Variants in SMUG1 observed in about 807,000 individuals in gnomAD.
SMUG1 encodes single-strand-selective monofunctional uracil-DNA glycosylase 1, also known as single-strand selective monofunctional uracil DNA glycosylase.
A neutral mutation model predicts 23.9 loss-of-function variants in SMUG1; 13 were observed. The ratio of observed to expected loss-of-function variants is 0.54; its 90% CI spans 0.35 to 0.86. The LOEUF (loss-of-function observed/expected upper bound fraction) is 0.86. Among genes scored for constraint, SMUG1 ranks in the 40% least tolerant of loss-of-function variants. SMUG1 has a pLI of 0.01. For missense variants in SMUG1, 313 were observed against 339.5 expected, an observed-to-expected ratio of 0.92 and a Z score of 0.61; for synonymous variants, 133 against 139.8, an observed-to-expected ratio of 0.95 and a Z score of 0.34.
Position 54,182,136 on chromosome 12 carries a change from C to A in SMUG1, c.773G>T (p.Arg258Ile), listed in dbSNP as rs762691127. Residue 258 changes from arginine to isoleucine, a missense_variant, in exon 4 of 4, where the codon AGA becomes ATA. Coordinates refer to ENST00000682136, the MANE Select transcript of SMUG1 (RefSeq NM_001243787.2). ...TGGCAGCAGCCCCAGCTCATTCAAT[C>A]TTTCCTTGGCCACTGCCTCCCAGCC... ...NKGWEAVAKE[R>I]LNELGLLPLL... 6.4e-7 allele frequency: 1 copy of A among 1,570,032 alleles called. No individual in the cohort carries two copies. Among genetic ancestry groups the A allele is most frequent in the Non-Finnish European group, 8.6e-7 (1 of 1,156,882 alleles).
chr12:54,159,684 T>C (rs1940179719), intron 4 of SMUG1, among the ~76,000 whole-genome samples: 1 of 152,140 alleles, frequency 6.6e-6, no homozygotes, highest in South Asian at 2.1e-4. Context: ...GGGCTGATGA[T>C]TCCATGAGGG....
intron 2 of SMUG1, chr12:54,172,243 T>A (rs1464290914): frequency 5.2e-6 from 2 of 386,958 alleles, no homozygotes; most frequent in Admixed American, 5.0e-5. Context: ...ACCTCTTAGA[T>A]CTCATCACTT....
chr12:54,182,117 C>G lies in SMUG1; in HGVS notation c.792G>C (p.Leu264=), dbSNP rs1359576841. 12 of 1,544,864 alleles carry G rather than the reference C, an allele frequency of 7.8e-6. No individual in the cohort carries two copies. Among genetic ancestry groups the G allele is most frequent in the Middle Eastern group, 1.8e-4 (1 of 5,492 alleles). The change falls in exon 4 of 4, where the codon CTG becomes CTC. Residue 264 remains leucine, a synonymous_variant. Coordinates refer to ENST00000682136, the MANE Select transcript of SMUG1 (RefSeq NM_001243787.2). ...GCACTCATTTCAACAGCAGTGGCAG[C>G]AGCCCCAGCTCATTCAATCTTTCCT... ...VAKERLNELG[L]LPLLLK is the part of the protein sequence containing the mutation.
downstream of SMUG1, among the ~76,000 whole-genome samples, chr12:54,176,248 G>A (rs1307061185): frequency 6.6e-6 from 1 of 150,636 alleles, no homozygotes; most frequent in African/African-American, 2.4e-5. Flanking sequence ...GGCTGGGCAT[G>A]GTGCCTCATG....
Position 54,182,090 on chromosome 12 carries a change from G to C in SMUG1, c.*6C>G, listed in dbSNP as rs1410089433. On this transcript the variant is annotated 3_prime_UTR_variant, in exon 4 of 4. Coordinates refer to ENST00000682136, the MANE Select transcript of SMUG1 (RefSeq NM_001243787.2). ...GAATGTGTCCCATGCAAGGCCCCAA[G>C]GGCACTCATTTCAACAGCAGTGGCA... 8 of 1,532,494 alleles carry C rather than the reference G, an allele frequency of 5.2e-6. No homozygotes were observed. The highest frequency in any genetic ancestry group is 3.8e-4 in the Middle Eastern group (2 of 5,290). 94.9% of individuals were successfully genotyped at this position (1,532,494 alleles called of 1,614,324 possible). A position where few individuals can be genotyped will look rare whatever the true frequency, so the allele number is the denominator to read the frequency against.
chr12:54,188,295 AAATAATAATAATAATAATAATAAT>A lies in SMUG1; in HGVS notation c.-103-417_-103-394del, dbSNP rs757369651. Among the ~76,000 whole-genome samples, 236 of 68,900 alleles carry A rather than the reference AAATAATAATAATAATAATAATAAT, an allele frequency of 3.4e-3. 2 individuals carry two copies. The highest frequency in any genetic ancestry group is 0.01 in the African/African-American group (230 of 22,480). 45.2% of individuals were successfully genotyped at this position (68,900 alleles called of 152,430 possible). On this transcript the variant is annotated intron_variant, in intron 1 of 3. Transcript: ENST00000682136. ...TAATAATAATAATAATAATAATAAT[AAATAATAATAATAATAATAATAAT>A]AATAATAATAATAATAATAATGCAT...
intron 4 of SMUG1, among the ~76,000 whole-genome samples, chr12:54,159,426 A>C (rs1213356271): frequency 2.6e-5 from 4 of 152,062 alleles, no homozygotes; most frequent in East Asian, 1.9e-4. Flanking sequence ...TGTCGGGGAC[A>C]ACCTGAGAAT....
At chr12:54,180,362 G>C (rs924327547), downstream of SMUG1, 1 of 152,214 alleles carries the variant, frequency 6.6e-6, no homozygotes, top group Non-Finnish European at 1.5e-5. Context: ...TCCTTCTCAG[G>C]AACTGAAGAC....
downstream of SMUG1, among the ~76,000 whole-genome samples, chr12:54,161,415 C>T (rs1286437062): frequency 1.3e-5 from 2 of 152,180 alleles, no homozygotes; most frequent in African/African-American, 2.4e-5. The surrounding 1 kb of genome is among the most constrained non-coding windows in gnomAD (Gnocchi z 4.2). Flanking sequence ...CAGCTGGGTC[C>T]CAGTGAACTT....
Position 54,181,485 on chromosome 12 carries a change from G to A in SMUG1, c.*611C>T, listed in dbSNP as rs1364756413. 7.1e-7 allele frequency: 1 copy of A among 1,404,640 alleles called. No individual in the cohort carries two copies. Among genetic ancestry groups the A allele is most frequent in the Non-Finnish European group, 9.7e-7 (1 of 1,027,616 alleles). The allele number at this position is 1,404,640 out of a possible 1,614,324, so 87.0% of individuals were successfully genotyped here. A position where few individuals can be genotyped will look rare whatever the true frequency, so the allele number is the denominator to read the frequency against. Reference sequence around the variant, plus strand: ...GATGAGGAGCCTGAGGCATAGAGAGGTTTATTAATTTGTCAATCAAAAAGT... The same window carrying A: ...GATGAGGAGCCTGAGGCATAGAGAGATTTATTAATTTGTCAATCAAAAAGT... On this transcript the variant is annotated 3_prime_UTR_variant, in exon 4 of 4. Transcript: ENST00000682136.
rs762234299 is a variant in SMUG1, at chr12:54,182,445, A to G, written c.464T>C (p.Phe155Ser). 4 of 1,614,216 alleles carry G rather than the reference A, an allele frequency of 2.5e-6. No homozygotes were observed. In the South Asian group the frequency reaches 4.4e-5, roughly 18 times the overall value. The change falls in exon 4 of 4, where the codon TTC (phenylalanine) becomes TCC (serine). Residue 155 changes from phenylalanine to serine, a missense_variant. Physicochemically the swap from Phe to Ser is radical, Grantham distance 155 (BLOSUM62 -2). Transcript: ENST00000682136. Reference protein sequence around the residue: ...FRNLCGQPEVFFHHCFVHNLC... With the variant: ...FRNLCGQPEVSFHHCFVHNLC... ...ATTGTGGACAAAACAGTGATGGAAG[A>G]AGACCTCAGGCTGTCCACAGAGGTT...
rs1318390699 is a variant in SMUG1 at position 54,182,232 on chromosome 12, G to C, written c.677C>G (p.Ala226Gly). ...CACCTGGACCTCTGGCATCAGGCCT[G>C]CCAGAGCCCGTCGTGCCCGCTGCTC... is the stretch of plus-strand genomic sequence containing the variant. ...LAEQRARRAL[A>G]GLMPEVQVEG... is the part of the protein sequence containing the mutation. Residue 226 changes from alanine (A) to glycine (G), a missense_variant, in exon 4 of 4, where the codon GCA becomes GGA. By Grantham distance (60) the Ala-to-Gly change is moderately conservative. Transcript: ENST00000682136. 1.2e-6 allele frequency: 2 copies of C among 1,612,006 alleles called. No individual in the cohort carries two copies. Among genetic ancestry groups the C allele is most frequent in the African/African-American group, 2.7e-5 (2 of 74,860 alleles).
chr12:54,182,790 C>A, intron 3 of SMUG1, 167 bp from the exon 4 acceptor site: 1 of 1,333,318 alleles, frequency 7.5e-7, no homozygotes, highest in Non-Finnish European at 9.8e-7. Context: ...TGGTTTGAGC[C>A]TGTCTGTCTT....
At chr12:54,178,344 C>G (rs1475600447), downstream of SMUG1, among the ~76,000 whole-genome samples, 1 of 152,138 alleles carries the variant, frequency 6.6e-6, no homozygotes, top group Admixed American at 6.5e-5. Context: ...CACTAGGACC[C>G]AGACCCAGCA....
rs781236617 is a variant in SMUG1, at chr12:54,170,986, ACTTT to A, written c.*52+1035_*52+1038del. Among the ~76,000 whole-genome samples, 251 of 146,510 alleles carry A rather than the reference ACTTT, an allele frequency of 1.7e-3. 1 individual carries two copies. Among genetic ancestry groups the A allele is most frequent in the Non-Finnish European group, 2.8e-3 (189 of 67,034 alleles). ...TAGACTCTGTCATTGGATGCCCTTCACTTTCTTTCTTTCTTTTTTTTTTTTTTGA... is the reference window on the plus strand; with the variant it reads ...TAGACTCTGTCATTGGATGCCCTTCACTTTCTTTCTTTTTTTTTTTTTTGA... On this transcript the variant is annotated intron_variant and NMD_transcript_variant, in intron 3 of 4. Transcript: ENST00000509864.
chr12:54,171,886 T>C (rs1438847531), intron 3 of SMUG1: 1 of 292,250 alleles, frequency 3.4e-6, no homozygotes, highest in Non-Finnish European at 7.2e-6. Context: ...CAAAAAATCT[T>C]GGTCTTATCC....
intron 2 of SMUG1, 181 bp from the exon 3 acceptor site, chr12:54,184,140 C>T (rs1030481795): frequency 2.1e-6 from 1 of 475,708 alleles, no homozygotes; most frequent in Non-Finnish European, 3.7e-6. Flanking sequence ...AATGAAGGGC[C>T]CTTTCCCTCC....
At chr12:54,171,612 G>A (rs1940620635) in intron 3 of SMUG1, among the ~76,000 whole-genome samples, 1 of 150,942 alleles carries the variant, frequency 6.6e-6, no homozygotes, top group African/African-American at 2.4e-5. Context: ...GCTTGAACCT[G>A]GGAGGCGGAG....
intron 2 of SMUG1, among the ~76,000 whole-genome samples, chr12:54,185,370 G>A (rs866504186): frequency 2.0e-5 from 3 of 151,668 alleles, no homozygotes; most frequent in South Asian, 2.1e-4. Flanking sequence ...GGGAGGCTGA[G>A]GCAGGGAGAA....
Sources: allele counts gnomAD v4.1 joint callset (sites outside exome capture counted in the v4.1 genomes callset), GRCh38; gene constraint gnomAD v4.1.1; non-coding constraint Gnocchi (gnomAD v3.1); transcripts MANE v1.5; gene names NCBI Gene and HGNC (gene_info 2026-07-23, HGNC 2026-07-21).